The following DMD variants were observed in gnomAD, a reference collection of about 807,000 sequenced individuals.
The protein encoded by DMD is dystrophin.
In DMD, 63 loss-of-function variants were observed where a neutral mutation model predicts 330.1. The ratio of observed to expected loss-of-function variants is 0.19; its 90% CI spans 0.16 to 0.24. DMD has a LOEUF of 0.24. Among genes scored for constraint, DMD ranks in the 10% least tolerant of loss-of-function variants. DMD has a pLI of 1.00. For synonymous variants in DMD, 1,223 were observed against 959.8 expected (o/e 1.27, Z -5.07); for missense variants, 3,344 against 2,684.1 (o/e 1.25, Z -5.43).
intron 1 of DMD, among the ~76,000 whole-genome samples, chrX:33,201,621 G>A (rs1471229936): frequency 8.9e-6 from 1 of 111,997 alleles, no homozygotes; most frequent in African/African-American, 3.2e-5. Context: ...CACTGTGGAT[G>A]ACTAACATAA....
At chrX:32,678,798 C>A (rs73453079) in intron 9 of DMD, among the ~76,000 whole-genome samples, 1 of 111,610 alleles carries the variant, frequency 9.0e-6, no homozygotes, top group Non-Finnish European at 1.9e-5. Flanking sequence ...CGCACGTTGT[C>A]ACTCCTGTGA....
intron 43 of DMD, among the ~76,000 whole-genome samples, chrX:32,219,894 TATCAAATTCAACAA>T (rs2097126446): frequency 8.9e-6 from 1 of 112,111 alleles, no homozygotes; most frequent in African/African-American, 3.2e-5. Flanking sequence ...TGCCATCCTC[TATCAAATTCAACAA>T]ATCCCCCTCT....
intron 19 of DMD, among the ~76,000 whole-genome samples, chrX:32,496,350 T>A (rs2043483563): frequency 8.9e-6 from 1 of 111,938 alleles, no homozygotes; most frequent in East Asian, 2.8e-4. Flanking sequence ...GCATTCAATG[T>A]AATAGTCTAA....
intron 41 of DMD, among the ~76,000 whole-genome samples, chrX:32,312,687 T>C (rs1243889098): frequency 1.9e-5 from 2 of 106,611 alleles, no homozygotes; most frequent in Non-Finnish European, 3.9e-5. Flanking sequence ...GCCAGACTAA[T>C]AAAGAAGAAA....
At chrX:32,656,822 G>T (rs998845153) in intron 9 of DMD, among the ~76,000 whole-genome samples, 1 of 111,540 alleles carries the variant, frequency 9.0e-6, no homozygotes, top group African/African-American at 3.3e-5. Context: ...CTTATTTAAG[G>T]TCATTTGTGC....
intron 1 of DMD, among the ~76,000 whole-genome samples, chrX:33,317,574 G>A (rs2053950105): frequency 9.0e-6 from 1 of 111,257 alleles, no homozygotes; most frequent in Non-Finnish European, 1.9e-5. Context: ...TAAAGTATGT[G>A]TTATCAAACA....
chrX:32,563,110 G>C (rs745513078), intron 16 of DMD, among the ~76,000 whole-genome samples: 3 of 110,659 alleles, frequency 2.7e-5, no homozygotes, highest in Non-Finnish European at 5.7e-5. Context: ...GGAGGCCGAA[G>C]TGGGAGGATC....
chrX:31,508,246 T>G, intron 55 of DMD: 1 of 1,207,632 alleles, frequency 8.3e-7, no homozygotes, highest in Non-Finnish European at 1.1e-6. Context: ...ATTTTCAGCT[T>G]GAACCGGGCA....
At chrX:32,573,917 A>G (rs2052723456) in intron 13 of DMD, 71 bp from the exon 14 acceptor site, 1 of 915,019 alleles carries the variant, frequency 1.1e-6, no homozygotes, top group Admixed American at 2.4e-5. Context: ...AATGGCATGA[A>G]TAATTTGCCA....
At chrX:31,226,319 C>G (rs748327271) in intron 63 of DMD, among the ~76,000 whole-genome samples, 6 of 112,290 alleles carry the variant, frequency 5.3e-5, no homozygotes, top group Non-Finnish European at 1.1e-4. Context: ...ATCTTTCTAT[C>G]TTCCATTTTG....
chrX:31,760,603 C>A (rs2089498776), intron 51 of DMD, among the ~76,000 whole-genome samples: 1 of 111,544 alleles, frequency 9.0e-6, no homozygotes, highest in Non-Finnish European at 1.9e-5. Context: ...GTAGGATGTA[C>A]CATCTAGGTT....
At chrX:32,716,049 T>C (rs1205103553) in intron 7 of DMD, among the ~76,000 whole-genome samples, 1 of 111,877 alleles carries the variant, frequency 8.9e-6, no homozygotes. Context: ...CTTTCCAATA[T>C]ATATTTCATG....
At chrX:32,607,950 G>A (rs760445845) in intron 12 of DMD, among the ~76,000 whole-genome samples, 2 of 109,393 alleles carry the variant, frequency 1.8e-5, no homozygotes, top group East Asian at 5.7e-4. Flanking sequence ...CATTGGAGAG[G>A]TCAGTGTCTT....
chrX:31,642,174 G>T (rs1365484123), intron 54 of DMD, among the ~76,000 whole-genome samples: 2 of 111,576 alleles, frequency 1.8e-5, no homozygotes, highest in Non-Finnish European at 3.8e-5. Context: ...TAAAACTACG[G>T]TCCACTGCTA....
intron 7 of DMD, among the ~76,000 whole-genome samples, chrX:32,759,852 GGGGGGGGC>G (rs199843642): frequency 0.034 from 2,202 of 64,618 alleles, 162 homozygotes; most frequent in African/African-American, 0.12. Flanking sequence ...TTGGGGGGGG[GGGGGGGGC>G]GGGGGAAGAC....
intron 18 of DMD, among the ~76,000 whole-genome samples, chrX:32,515,377 G>A (rs1189216235): frequency 1.8e-5 from 2 of 111,003 alleles, no homozygotes; most frequent in African/African-American, 6.6e-5. Context: ...GATTTCCAGC[G>A]GGAGTTGGTA....
chrX:32,610,120 C>G (rs529134463), intron 12 of DMD, among the ~76,000 whole-genome samples: 2 of 111,175 alleles, frequency 1.8e-5, no homozygotes, highest in East Asian at 5.7e-4. Context: ...TAAATTCTAC[C>G]CCTTAAGACA....
At chrX:32,831,230 G>C (rs946727538) in intron 4 of DMD, among the ~76,000 whole-genome samples, 7 of 110,365 alleles carry the variant, frequency 6.3e-5, no homozygotes, top group Admixed American at 3.9e-4. Context: ...CTTTCCTTCA[G>C]GAACATGGAT....
chrX:31,640,330 G>A (rs1055234665), intron 54 of DMD, among the ~76,000 whole-genome samples: 2 of 112,291 alleles, frequency 1.8e-5, no homozygotes, highest in African/African-American at 6.5e-5. Context: ...CAACAAACAC[G>A]CTGGAAGGAG....
Sources: gnomAD v4.1 joint callset for allele counts (sites outside exome capture counted in the v4.1 genomes callset) on GRCh38, gnomAD v4.1.1 for gene constraint, MANE v1.5 for transcripts, NCBI Gene and HGNC (gene_info 2026-07-23, HGNC 2026-07-21) for gene names.